The following IGFN1 variants were observed in gnomAD, a reference collection of about 807,000 sequenced individuals.
The protein encoded by IGFN1 is immunoglobulin-like and fibronectin type III domain-containing protein 1.
Under a neutral mutation model 289.5 loss-of-function variants are expected in IGFN1, and 253 were observed. The ratio of observed to expected loss-of-function variants is 0.87; its 90% CI spans 0.79 to 0.97. The LOEUF is 0.97. IGFN1 is among the 50% of genes least tolerant of loss of function. The pLI is 0.00. For missense variants in IGFN1, 4,470 were observed against 4,686.1 expected (o/e 0.95, Z 1.35); for synonymous variants, 1,706 against 1,788.5 (o/e 0.95, Z 1.16).
Position 201,210,793 on chromosome 1 carries a change from G to A in IGFN1, c.5900G>A (p.Gly1967Glu), listed in dbSNP as rs1163558081. 20 of 1,530,864 alleles carry A rather than the reference G, an allele frequency of 1.3e-5. No individual in the cohort carries two copies. The highest frequency in any genetic ancestry group is 1.7e-5 in the Non-Finnish European group (19 of 1,144,614). The allele number at this position is 1,530,864 out of a possible 1,614,324, so 94.8% of individuals were successfully genotyped here. A position where few individuals can be genotyped will look rare whatever the true frequency, so the allele number is the denominator to read the frequency against. ...VNKAGYRKDL[G>E]APKGMGSGSK... Reference sequence around the variant, plus strand: ...AAGGCAGGTTATAGGAAGGATTTGGGGGCTCCTAAGGGAATGGGTTCAGGG... The same window carrying A: ...AAGGCAGGTTATAGGAAGGATTTGGAGGCTCCTAAGGGAATGGGTTCAGGG... The change falls in exon 12 of 24, where the codon GGG becomes GAG. Residue 1967 changes from glycine (G) to glutamate (E), a missense_variant. Physicochemically the swap from Gly to Glu is moderately conservative, Grantham distance 98. Transcript: ENST00000335211.
At chr1:201,216,999 C>T (rs1180475249) in intron 16 of IGFN1, among the ~76,000 whole-genome samples, 2 of 152,124 alleles carry the variant, frequency 1.3e-5, no homozygotes, top group Non-Finnish European at 2.9e-5. Flanking sequence ...TCGCGGGTCC[C>T]AGGGAGAGAG....
chr1:201,210,024 A>T lies in IGFN1; in HGVS notation c.5131A>T (p.Arg1711Trp), dbSNP rs1308206794. 4.1e-6 allele frequency: 6 copies of T among 1,472,878 alleles called. No homozygotes were observed. The highest frequency in any genetic ancestry group is 5.4e-6 in the Non-Finnish European group (6 of 1,116,554). The allele number at this position is 1,472,878 out of a possible 1,614,324, so 91.2% of individuals were successfully genotyped here. A position where few individuals can be genotyped will look rare whatever the true frequency, so the allele number is the denominator to read the frequency against. Reference protein sequence around the residue: ...EMGSVNEAGYRKDLGAPEGMG... With the variant: ...EMGSVNEAGYWKDLGAPEGMG... ...GGGGTCAGTGAATGAGGCAGGTTATAGGAAGGATTTGGGGGCTCCTGAGGG... is the reference window on the plus strand; with the variant it reads ...GGGGTCAGTGAATGAGGCAGGTTATTGGAAGGATTTGGGGGCTCCTGAGGG... The change falls in exon 12 of 24, where the codon AGG (arginine) becomes TGG (tryptophan). Residue 1711 changes from arginine (R) to tryptophan (W), a missense_variant. Around this residue, in one of 8 missense-constraint regions of IGFN1, gnomAD observed 49 missense variants for 62.6 expected, o/e 0.78. Transcript: ENST00000335211.
rs201684547 is a variant in IGFN1 at position 201,203,764 on chromosome 1, C to T, written c.774C>T (p.Phe258=). The T allele has an allele frequency of 7.8e-5, 121 of 1,551,688 alleles. No individual in the cohort carries two copies. Among genetic ancestry groups the T allele is most frequent in the Non-Finnish European group, 1.1e-5 (13 of 1,147,042 alleles). The change falls in exon 10 of 24, where the codon TTC becomes TTT. Residue 258 remains phenylalanine, a synonymous_variant. Coordinates refer to ENST00000335211, the MANE Select transcript of IGFN1 (RefSeq NM_001164586.2). The stretch of plus-strand genomic sequence containing the variant: ...ATGGTGAGATGATCCCCTATGGCTT[C>T]AACAACCAAACCAAGCACTGTCTGC... ...YKDGEMIPYG[F]NNQTKHCLRR... is the part of the protein sequence containing the mutation.
At chr1:201,219,688 A>T (rs1653586509) in intron 18 of IGFN1, among the ~76,000 whole-genome samples, 1 of 152,242 alleles carries the variant, frequency 6.6e-6, no homozygotes, top group Non-Finnish European at 1.5e-5. Flanking sequence ...ACACCTGGAG[A>T]GCATCTCTGT....
Position 201,227,088 on chromosome 1 carries a change from C to T in IGFN1, c.10993C>T (p.Leu3665=). Residue 3665 remains leucine (L), a synonymous_variant, in exon 23 of 24, where the codon CTG becomes TTG. Transcript: ENST00000335211. ...AAACCCCGCGGTGTACAGCACTGAC[C>T]TGCTGGGCGTGTGCTCCCTCACCAT... is the stretch of plus-strand genomic sequence containing the variant. ...EGNPAVYSTD[L]LGVCSLTIPS... 4 of 1,613,654 alleles carry T rather than the reference C, an allele frequency of 2.5e-6. No individual in the cohort carries two copies. The highest frequency in any genetic ancestry group is 3.4e-6 in the Non-Finnish European group (4 of 1,180,044).
chr1:201,218,701 G>A (rs199507429), intron 18 of IGFN1, 43 bp downstream of exon 18: 21 of 1,568,312 alleles, frequency 1.3e-5, no homozygotes, highest in Admixed American at 3.4e-5. Flanking sequence ...AGGTGAGCAT[G>A]GGATAGCCCT....
At chr1:201,195,723 G>C in intron 3 of IGFN1, 116 bp from the exon 4 acceptor site, 1 of 1,139,580 alleles carries the variant, frequency 8.8e-7, no homozygotes, top group Non-Finnish European at 1.2e-6. Context: ...ATCCTTTTTG[G>C]AAGGGGCAGT....
intron 9 of IGFN1, 23 bp from the exon 10 acceptor site, chr1:201,203,712 GCCT>G (rs1667264031): frequency 6.5e-7 from 1 of 1,549,168 alleles, no homozygotes; most frequent in Non-Finnish European, 8.7e-7. Flanking sequence ...ACTGAGGCCC[GCCT>G]CCTCTTCCTT....
At chr1:201,196,976 C>T (rs186067126) in intron 4 of IGFN1, among the ~76,000 whole-genome samples, 8 of 151,502 alleles carry the variant, frequency 5.3e-5, no homozygotes, top group Admixed American at 4.6e-4. Flanking sequence ...TCCATCTGAC[C>T]CCAAAAAGCA....
At chr1:201,204,684 G>A (rs572818332) in intron 10 of IGFN1, among the ~76,000 whole-genome samples, 1 of 152,202 alleles carries the variant, frequency 6.6e-6, no homozygotes, top group South Asian at 2.1e-4. Flanking sequence ...TAAGACTGGG[G>A]CAAGTTATTT....
intron 1 of IGFN1, 148 bp from the exon 2 acceptor site, chr1:201,193,099 C>G: frequency 1.7e-6 from 1 of 574,640 alleles, no homozygotes; most frequent in African/African-American, 1.9e-5. Context: ...GGAAACTAAT[C>G]AGTGCCATTA....
Position 201,225,856 on chromosome 1 carries a change from CAGG to C in IGFN1, c.10522_10524del (p.Glu3508del). Reference sequence around the variant, plus strand: ...GCAGGCCCCTGGGCCCATCCACCTGCAGGAGAACGTGCCTGGGACGGTGACGGC... The same window carrying C: ...GCAGGCCCCTGGGCCCATCCACCTGCAGAACGTGCCTGGGACGGTGACGGC... On this transcript the variant is annotated inframe_deletion, in exon 22 of 24. Coordinates refer to ENST00000335211, the MANE Select transcript of IGFN1 (RefSeq NM_001164586.2). 6.2e-7 allele frequency: 1 copy of C among 1,613,058 alleles called. No homozygotes were observed. The highest frequency in any genetic ancestry group is 8.5e-7 in the Non-Finnish European group (1 of 1,179,822).
chr1:201,209,926 T>C lies in IGFN1; in HGVS notation c.5033T>C (p.Leu1678Ser). The C allele has an allele frequency of 1.4e-6, 2 of 1,454,092 alleles. No homozygotes were observed. The highest frequency in any genetic ancestry group is 1.8e-6 in the Non-Finnish European group (2 of 1,084,338). The allele number at this position is 1,454,092 out of a possible 1,614,324, so 90.1% of individuals were successfully genotyped here. Reference protein sequence around the residue: ...SMDEAGYRKNLGAPEGIGSGS... With the variant: ...SMDEAGYRKNSGAPEGIGSGS... ...GATGAGGCAGGTTATAGGAAGAATT[T>C]GGGGGCTCCTGAGGGAATAGGTTCA... Residue 1678 changes from leucine (L) to serine (S), a missense_variant, in exon 12 of 24, where the codon TTG (leucine) becomes TCG (serine). Leu to Ser is a moderately radical substitution (Grantham distance 145). This residue lies in a region of IGFN1 where 49 missense variants were observed against 62.6 expected (regional missense o/e 0.78). Coordinates refer to ENST00000335211, the MANE Select transcript of IGFN1 (RefSeq NM_001164586.2).
chr1:201,224,546 G>A, intron 20 of IGFN1, 133 bp from the exon 21 acceptor site: 1 of 684,630 alleles, frequency 1.5e-6, no homozygotes, highest in Non-Finnish European at 2.4e-6. Context: ...TGTCGACGTT[G>A]TGTTTTCTGG....
intron 15 of IGFN1, 86 bp from the exon 16 acceptor site, chr1:201,216,368 G>A (rs1653282750): frequency 9.1e-7 from 1 of 1,099,072 alleles, no homozygotes; most frequent in Non-Finnish European, 1.3e-6. Flanking sequence ...GGGGAGTCGG[G>A]GTGGCGGGGA....
In IGFN1 at chr1:201,211,140, G is replaced by C; in HGVS notation, c.6247G>C (p.Gly2083Arg). The C allele has an allele frequency of 6.5e-7, 1 of 1,529,666 alleles. No homozygotes were observed. The highest frequency in any genetic ancestry group is 8.8e-7 in the Non-Finnish European group (1 of 1,142,034). The allele number at this position is 1,529,666 out of a possible 1,614,324, so 94.8% of individuals were successfully genotyped here. A position where few individuals can be genotyped will look rare whatever the true frequency, so the allele number is the denominator to read the frequency against. Residue 2083 changes from glycine (G) to arginine (R), a missense_variant, in exon 12 of 24, where the codon GGG becomes CGG. Gly to Arg is a moderately radical substitution (Grantham distance 125). This residue lies in a region of IGFN1 where 2,218 missense variants were observed against 2,114.1 expected (regional missense o/e 1.05). Transcript: ENST00000335211. ...AGGGGCTCCTAAGGGAATGGGTTCA[G>C]GGAGTAAGACAGGTTTCAGGGATGG... is the stretch of plus-strand genomic sequence containing the variant. Reference protein sequence around the residue: ...DLGAPKGMGSGSKTGFRDGLG... With the variant: ...DLGAPKGMGSRSKTGFRDGLG...
Position 201,209,240 on chromosome 1 carries a change from T to C in IGFN1, c.4347T>C (p.Ser1449=). ...KAGYRDGLRG[S]GEMRSMDEAG... is the part of the protein sequence containing the mutation. The stretch of plus-strand genomic sequence containing the variant: ...GTTATAGGGATGGCTTAAGGGGTTC[T>C]GGAGAAATGAGGTCAATGGATGAGG... Residue 1449 remains serine, a synonymous_variant, in exon 12 of 24, where the codon TCT becomes TCC. Coordinates refer to ENST00000335211, the MANE Select transcript of IGFN1 (RefSeq NM_001164586.2). The C allele has an allele frequency of 3.4e-6, 5 of 1,483,926 alleles. No individual in the cohort carries two copies. The highest frequency in any genetic ancestry group is 4.4e-6 in the Non-Finnish European group (5 of 1,127,832). 91.9% of individuals were successfully genotyped at this position (1,483,926 alleles called of 1,614,324 possible).
Position 201,221,537 on chromosome 1 carries a change from A to G in IGFN1, c.9992A>G (p.Asp3331Gly). ...GCTGGGCCAGACACCCAGGAAGGGG[A>G]TGAAGCCCAGGGGTATGTGGTGGAG... ...SWAGPDTQEG[D>G]EAQGYVVELC... The change falls in exon 19 of 24, where the codon GAT (aspartate) becomes GGT (glycine). Residue 3331 changes from aspartate (D) to glycine (G), a missense_variant. Physicochemically the swap from Asp to Gly is moderately conservative, Grantham distance 94 (BLOSUM62 -1). Around this residue, in one of 8 missense-constraint regions of IGFN1, gnomAD observed 2,218 missense variants for 2,114.1 expected, o/e 1.05. Coordinates refer to ENST00000335211, the MANE Select transcript of IGFN1 (RefSeq NM_001164586.2). The G allele has an allele frequency of 1.9e-6, 3 of 1,614,126 alleles. No homozygotes were observed. The highest frequency in any genetic ancestry group is 2.5e-6 in the Non-Finnish European group (3 of 1,179,988).
Position 201,213,334 on chromosome 1 carries a change from C to T in IGFN1, c.8441C>T (p.Ser2814Leu), listed in dbSNP as rs944882439. 3 of 1,597,748 alleles carry T rather than the reference C, an allele frequency of 1.9e-6. No homozygotes were observed. The African/African-American group carries it at 4.0e-5, about 21-fold the overall frequency. The change falls in exon 12 of 24, where the codon TCA becomes TTA. Residue 2814 changes from serine (S) to leucine (L), a missense_variant. Physicochemically the swap from Ser to Leu is moderately radical, Grantham distance 145. Transcript: ENST00000335211. ...GGGAGGTCAGGCAGGAGGCCTGGCT[C>T]ACTCAGGAGCAGGTCTCAGGCACAG... ...EAGRSGRRPG[S>L]LRSRSQAQSG... is the part of the protein sequence containing the mutation.
Sources: allele counts gnomAD v4.1 joint callset (sites outside exome capture counted in the v4.1 genomes callset), GRCh38; gene constraint gnomAD v4.1.1; regional missense constraint gnomAD v4.1.1; transcripts MANE v1.5; gene names NCBI Gene and HGNC (gene_info 2026-07-23, HGNC 2026-07-21).